Variants in ZNF696 observed in about 807,000 individuals in gnomAD.
ZNF696 encodes zinc finger protein 696.
ZNF696 carries 10 observed loss-of-function variants against 12.3 expected under a neutral mutation model. That is an observed-to-expected ratio of 0.81 (90% CI 0.50 to 1.38). ZNF696 has a LOEUF of 1.38. Among genes scored for constraint, ZNF696 ranks in the 40% most tolerant of loss-of-function variants. The pLI, the probability that ZNF696 is intolerant of heterozygous loss-of-function variation, is 0.00. For missense variants in ZNF696, 675 were observed against 554.7 expected (o/e 1.22, Z -2.18); for synonymous variants, 304 against 243.9 (o/e 1.25, Z -2.29).
rs1025909198 is a variant in ZNF696, at chr8:143,291,433, A to C, written c.-365A>C. 1 of 985,936 alleles carries C rather than the reference A, an allele frequency of 1.0e-6. No individual in the cohort carries two copies. Among genetic ancestry groups the C allele is most frequent in the Non-Finnish European group, 1.2e-6 (1 of 830,262 alleles). 61.1% of individuals were successfully genotyped at this position (985,936 alleles called of 1,614,324 possible). On this transcript the variant is annotated 5_prime_UTR_variant, in exon 1 of 3. Coordinates refer to ENST00000330143, the MANE Select transcript of ZNF696 (RefSeq NM_030895.3). The stretch of plus-strand genomic sequence containing the variant: ...GCGGGGACCGTAGCGGGTGCAGTCC[A>C]GCTGCTCTGGACGCTGAGGCCCCGG...
In ZNF696 at chr8:143,296,313, A is replaced by C. The variant is rs1487294480; in HGVS notation, c.638A>C (p.Asp213Ala). ...GGCGAGAAGCCCTACGCGTGCGCCG[A>C]CTGCGGCAAGGCCTTCGGCCAGAGG... ...HTGEKPYACA[D>A]CGKAFGQRSD... is the part of the protein sequence containing the mutation. The change falls in exon 3 of 3, where the codon GAC (aspartate) becomes GCC (alanine). Residue 213 changes from aspartate to alanine, a missense_variant. Physicochemically the swap from Asp to Ala is moderately radical, Grantham distance 126. Coordinates refer to ENST00000330143, the MANE Select transcript of ZNF696 (RefSeq NM_030895.3). 6.3e-7 allele frequency: 1 copy of C among 1,596,646 alleles called. No homozygotes were observed. Among genetic ancestry groups the C allele is most frequent in the South Asian group, 1.1e-5 (1 of 90,366 alleles).
Position 143,296,310 on chromosome 8 carries a change from C to G in ZNF696, c.635C>G (p.Ala212Gly). ...ACGGGCGAGAAGCCCTACGCGTGCG[C>G]CGACTGCGGCAAGGCCTTCGGCCAG... ...VHTGEKPYACADCGKAFGQRS... is the reference protein window; with the variant it reads ...VHTGEKPYACGDCGKAFGQRS... The change falls in exon 3 of 3, where the codon GCC becomes GGC. Residue 212 changes from alanine to glycine, a missense_variant. Ala to Gly is a moderately conservative substitution (Grantham distance 60, BLOSUM62 0). Coordinates refer to ENST00000330143, the MANE Select transcript of ZNF696 (RefSeq NM_030895.3). 6.3e-7 allele frequency: 1 copy of G among 1,592,560 alleles called. No individual in the cohort carries two copies. The highest frequency in any genetic ancestry group is 8.5e-7 in the Non-Finnish European group (1 of 1,173,964).
chr8:143,293,399 G>A (rs139461178), intron 2 of ZNF696: 2 of 466,620 alleles, frequency 4.3e-6, no homozygotes, highest in Non-Finnish European at 7.5e-6. Context: ...GTGTGTTGTA[G>A]GACGTTCGGC....
chr8:143,291,731 G>A lies in ZNF696; in HGVS notation c.-67G>A, dbSNP rs1815629154. ...GCCCAGCTCATCGAGCTTCTTCCCA[G>A]CTGTGAACAGGAGGGCCTGTTCCCT... On this transcript the variant is annotated 5_prime_UTR_variant, in exon 1 of 3. Coordinates refer to ENST00000330143, the MANE Select transcript of ZNF696 (RefSeq NM_030895.3). 4.6e-5 allele frequency: 45 copies of A among 985,366 alleles called. No homozygotes were observed. The highest frequency in any genetic ancestry group is 5.4e-5 in the Non-Finnish European group (45 of 829,950). 61.0% of individuals were successfully genotyped at this position (985,366 alleles called of 1,614,324 possible).
chr8:143,296,082 G>C lies in ZNF696; in HGVS notation c.407G>C (p.Cys136Ser). ...GGCGCCTGTGGCCGCAGCTTCAAGT[G>C]CTCCTCGGACGCGGCAAAGCACCGG... ...PCGACGRSFK[C>S]SSDAAKHRSI... Residue 136 changes from cysteine (C) to serine (S), a missense_variant, in exon 3 of 3, where the codon TGC becomes TCC. Physicochemically the swap from Cys to Ser is moderately radical, Grantham distance 112. Coordinates refer to ENST00000330143, the MANE Select transcript of ZNF696 (RefSeq NM_030895.3). 6.2e-7 allele frequency: 1 copy of C among 1,600,298 alleles called. No homozygotes were observed. The highest frequency in any genetic ancestry group is 8.5e-7 in the Non-Finnish European group (1 of 1,172,978).
rs1177350587 is a variant in ZNF696 at position 143,291,471 on chromosome 8, G to A, written c.-327G>A. On this transcript the variant is annotated 5_prime_UTR_variant, in exon 1 of 3. Coordinates refer to ENST00000330143, the MANE Select transcript of ZNF696 (RefSeq NM_030895.3). Reference sequence around the variant, plus strand: ...GCTGAGGCCCCGGCTTCTCTTGCTGGGGTGTCGATTCGGGAGGGCTGAGGG... The same window carrying A: ...GCTGAGGCCCCGGCTTCTCTTGCTGAGGTGTCGATTCGGGAGGGCTGAGGG... 1 of 985,414 alleles carries A rather than the reference G, an allele frequency of 1.0e-6. No homozygotes were observed. Among genetic ancestry groups the A allele is most frequent in the East Asian group, 1.1e-4 (1 of 8,822 alleles). 61.0% of individuals were successfully genotyped at this position (985,414 alleles called of 1,614,324 possible).
At chr8:143,293,339 G>C (rs537697482) in intron 2 of ZNF696, 12 of 547,372 alleles carry the variant, frequency 2.2e-5, no homozygotes, top group Middle Eastern at 4.8e-4. Flanking sequence ...TCTCCACCTT[G>C]GCACCGTGGC....
In ZNF696 at chr8:143,296,362, C is replaced by T. The variant is rs556036385; in HGVS notation, c.687C>T (p.Arg229=). The change falls in exon 3 of 3, where the codon CGC becomes CGT. Residue 229 remains arginine, a synonymous_variant. Transcript: ENST00000330143. The part of the protein sequence containing the change: ...GQRSDAAKHR[R]THTGERLYAC... ...GGTCGGACGCCGCCAAGCACCGCCG[C>T]ACCCACACCGGGGAGAGGCTGTACG... 3.8e-6 allele frequency: 6 copies of T among 1,594,008 alleles called. No homozygotes were observed. The Admixed American group carries it at 6.8e-5, about 18-fold the overall frequency.
intron 2 of ZNF696, 83 bp downstream of exon 2, chr8:143,293,148 C>T (rs780066615): frequency 3.3e-6 from 4 of 1,213,378 alleles, no homozygotes; most frequent in Non-Finnish European, 4.8e-6. Flanking sequence ...ATGTCTCAGT[C>T]ACTGACGCAG....
intron 2 of ZNF696, 69 bp downstream of exon 2, chr8:143,293,134 C>A: frequency 1.5e-6 from 2 of 1,338,724 alleles, no homozygotes; most frequent in Non-Finnish European, 2.1e-6. Flanking sequence ...ACAGGAAAAA[C>A]ACCATGTCTC....
At chr8:143,293,875 A>G (rs537610774) in intron 2 of ZNF696, among the ~76,000 whole-genome samples, 1 of 152,362 alleles carries the variant, frequency 6.6e-6, no homozygotes, top group Admixed American at 6.5e-5. Flanking sequence ...GCAAGGGCAG[A>G]GAGAGGTGGG....
At position 143,295,851 on chromosome 8, in the gene ZNF696, G is replaced by A; in HGVS notation, c.176G>A (p.Gly59Asp). 6.3e-7 allele frequency: 1 copy of A among 1,581,050 alleles called. No homozygotes were observed. The highest frequency in any genetic ancestry group is 1.1e-5 in the South Asian group (1 of 88,156). The change falls in exon 3 of 3, where the codon GGC (glycine) becomes GAC (aspartate). Residue 59 changes from glycine to aspartate, a missense_variant. Physicochemically the swap from Gly to Asp is moderately conservative, Grantham distance 94 (BLOSUM62 -1). Transcript: ENST00000330143. ...GAGGCAGGCGCTCCCGAGGGAGAGG[G>A]CCACAGAGGGGGGCCTCCCCGGGCG... Reference protein sequence around the residue: ...AAEAGAPEGEGHRGGPPRALG... With the variant: ...AAEAGAPEGEDHRGGPPRALG...
chr8:143,298,579 G>A lies in ZNF696; in HGVS notation c.*1779G>A, dbSNP rs970526963. Among the ~76,000 whole-genome samples the A allele has an allele frequency of 1.3e-5, 2 of 151,970 alleles. No individual in the cohort carries two copies. Among genetic ancestry groups the A allele is most frequent in the Admixed American group, 1.3e-4 (2 of 15,258 alleles). ...ACACAAGGAGAGTCAGCTGACTGAG[G>A]GCCAACAGAAACAGCAGGCAGCCGC... On this transcript the variant is annotated 3_prime_UTR_variant, in exon 3 of 3. Transcript: ENST00000330143.
rs1009516791 is a variant in ZNF696 at position 143,297,931 on chromosome 8, T to G, written c.*1131T>G. ...AATCGTTTTCTCTTTGAGACTGTTA[T>G]GAGTATGTACAAATGTTATTTCCTG... On this transcript the variant is annotated 3_prime_UTR_variant, in exon 3 of 3. Transcript: ENST00000330143. 1.3e-5 allele frequency: 2 copies of G among 152,212 alleles called. No homozygotes were observed. The highest frequency in any genetic ancestry group is 4.8e-5 in the African/African-American group (2 of 41,450). The allele number at this position is 152,212 out of a possible 1,614,324, so 9.4% of individuals were successfully genotyped here. A position where few individuals can be genotyped will look rare whatever the true frequency, so the allele number is the denominator to read the frequency against.
Position 143,299,495 on chromosome 8 carries a change from TC to T in ZNF696, c.*2698del, listed in dbSNP as rs59258156. Among the ~76,000 whole-genome samples the T allele has an allele frequency of 0.031, 4,771 of 152,250 alleles. 262 individuals are homozygous for T. Among genetic ancestry groups the T allele is most frequent in the African/African-American group, 0.11 (4,560 of 41,530 alleles). ...TAAAACACTGTGATTTAAAATGTAG[TC>T]CCAGCTGCTTGGGAGACTGAGGCAG... On this transcript the variant is annotated 3_prime_UTR_variant, in exon 3 of 3. Transcript: ENST00000330143.
Position 143,296,325 on chromosome 8 carries a change from C to T in ZNF696, c.650C>T (p.Ala217Val), listed in dbSNP as rs200159338. The T allele has an allele frequency of 1.8e-4, 280 of 1,596,316 alleles. No homozygotes were observed. Among genetic ancestry groups the T allele is most frequent in the Non-Finnish European group, 1.8e-4 (216 of 1,175,192 alleles). ...TACGCGTGCGCCGACTGCGGCAAGG[C>T]CTTCGGCCAGAGGTCGGACGCCGCC... is the stretch of plus-strand genomic sequence containing the variant. ...KPYACADCGK[A>V]FGQRSDAAKH... is the part of the protein sequence containing the mutation. Residue 217 changes from alanine (A) to valine (V), a missense_variant, in exon 3 of 3, where the codon GCC becomes GTC. Transcript: ENST00000330143.
Position 143,299,344 on chromosome 8 carries a change from T to A in ZNF696, c.*2544T>A, listed in dbSNP as rs1452806237. Among the ~76,000 whole-genome samples the A allele has an allele frequency of 6.6e-6, 1 of 152,164 alleles. No individual in the cohort carries two copies. The highest frequency in any genetic ancestry group is 2.4e-5 in the African/African-American group (1 of 41,398). On this transcript the variant is annotated 3_prime_UTR_variant, in exon 3 of 3. Transcript: ENST00000330143. ...CAGAAATGTTCTAAGACCCTCCGGT[T>A]GTTGGGAAGAGGGTGTAAGATAGTG...
chr8:143,296,147 T>A lies in ZNF696; in HGVS notation c.472T>A (p.Cys158Ser), dbSNP rs1349193289. ...SGEKPYECSD[C>S]GKAFIHSSHV... ...GGAGAAACCGTACGAGTGCAGCGAC[T>A]GCGGGAAGGCCTTCATCCACAGCTC... Residue 158 changes from cysteine to serine, a missense_variant, in exon 3 of 3, where the codon TGC (cysteine) becomes AGC (serine). Transcript: ENST00000330143. 26 of 1,609,648 alleles carry A rather than the reference T, an allele frequency of 1.6e-5. No homozygotes were observed. The highest frequency in any genetic ancestry group is 2.2e-5 in the Non-Finnish European group (26 of 1,178,860).
intron 2 of ZNF696, among the ~76,000 whole-genome samples, chr8:143,293,998 G>A (rs191362844): frequency 1.1e-3 from 163 of 152,046 alleles, no homozygotes; most frequent in Non-Finnish European, 1.8e-3. Flanking sequence ...AGGTGCAGCT[G>A]GGACTCAGCC....
Sources: gnomAD v4.1 joint callset for allele counts (sites outside exome capture counted in the v4.1 genomes callset) on GRCh38, gnomAD v4.1.1 for gene constraint, MANE v1.5 for transcripts, NCBI Gene and HGNC (gene_info 2026-07-23, HGNC 2026-07-21) for gene names.